Variants in TENM2 observed in about 807,000 individuals in gnomAD.
The protein encoded by TENM2 is teneurin-2.
Under a neutral mutation model 245.2 loss-of-function variants are expected in TENM2, and 52 were observed. The ratio of observed to expected loss-of-function variants is 0.21; its 90% CI spans 0.17 to 0.27. The LOEUF (loss-of-function observed/expected upper bound fraction) is 0.27, where lower values mean the gene tolerates loss of function less well. Among genes scored for constraint, TENM2 ranks in the 10% least tolerant of loss-of-function variants. The pLI is 1.00. For synonymous variants in TENM2, 1,363 were observed against 1,438.9 expected, an observed-to-expected ratio of 0.95 and a Z score of 1.19; for missense variants, 3,046 against 3,666.8, an observed-to-expected ratio of 0.83 and a Z score of 4.37.
At chr5:167,764,659 A>G (rs1288489865) in intron 2 of TENM2, among the ~76,000 whole-genome samples, 1 of 152,104 alleles carries the variant, frequency 6.6e-6, no homozygotes, top group East Asian at 1.9e-4. Context: ...GCACTTGGAG[A>G]CGGTGGGCCG....
chr5:167,223,731 G>A, the TENM2 span, among the ~76,000 whole-genome samples: 1 of 152,052 alleles, frequency 6.6e-6, no homozygotes, highest in Admixed American at 6.6e-5. Context: ...CGATTGTATG[G>A]TAGCTCTATT....
intron 15 of TENM2, among the ~76,000 whole-genome samples, chr5:168,197,572 C>T (rs1340515900): frequency 3.9e-5 from 6 of 151,966 alleles, no homozygotes; most frequent in African/African-American, 4.8e-5. Flanking sequence ...TCGTGGCAGG[C>T]GCCTGTAATT....
At chr5:167,720,175 G>C (rs1759533708) in intron 2 of TENM2, among the ~76,000 whole-genome samples, 1 of 151,868 alleles carries the variant, frequency 6.6e-6, no homozygotes, top group Non-Finnish European at 1.5e-5. Flanking sequence ...ACACGGGACA[G>C]GAAACACTGA....
intron 3 of TENM2, among the ~76,000 whole-genome samples, chr5:167,944,322 C>T (rs759590741): frequency 6.6e-6 from 1 of 152,110 alleles, no homozygotes; most frequent in Non-Finnish European, 1.5e-5. Context: ...ATGCCTGAAC[C>T]GCTAGAACAA....
At chr5:168,256,083 C>T (rs945260832) in intron 27 of TENM2, among the ~76,000 whole-genome samples, 12 of 152,004 alleles carry the variant, frequency 7.9e-5, no homozygotes, top group African/African-American at 1.7e-4. Context: ...GGATTACAGG[C>T]GTGAGCCACC....
intron 2 of TENM2, among the ~76,000 whole-genome samples, chr5:167,583,981 CCTT>C (rs1428705982): frequency 2.0e-5 from 3 of 152,196 alleles, no homozygotes; most frequent in African/African-American, 7.2e-5. Context: ...GACTACTCCT[CCTT>C]AAGTTTAAAT....
chr5:167,577,284 T>C (rs1017151832), intron 2 of TENM2, among the ~76,000 whole-genome samples: 4 of 152,204 alleles, frequency 2.6e-5, no homozygotes, highest in Non-Finnish European at 1.5e-5. Flanking sequence ...ACAAAAGCAC[T>C]TGCAGACAGG....
intron 2 of TENM2, among the ~76,000 whole-genome samples, chr5:167,426,546 CAAAAAAA>C (rs59491444): frequency 5.7e-4 from 58 of 102,254 alleles, no homozygotes; most frequent in East Asian, 3.7e-3. Flanking sequence ...CTTGCCTTTA[CAAAAAAA>C]AAAAAAAAAA....
chr5:167,359,905 A>C (rs1759598976), intron 1 of TENM2, among the ~76,000 whole-genome samples: 1 of 152,220 alleles, frequency 6.6e-6, no homozygotes, highest in African/African-American at 2.4e-5. Flanking sequence ...CATCCTTAGC[A>C]AACTAAGACA....
chr5:167,405,066 A>C (rs1308014058), intron 2 of TENM2, among the ~76,000 whole-genome samples: 2 of 152,118 alleles, frequency 1.3e-5, no homozygotes, highest in African/African-American at 2.4e-5. Context: ...GGAGTCTTTC[A>C]TTTAGCATGA....
chr5:168,182,869 C>T (rs1323896832), intron 13 of TENM2, among the ~76,000 whole-genome samples: 8 of 143,220 alleles, frequency 5.6e-5, no homozygotes, highest in African/African-American at 1.8e-4. Flanking sequence ...CTCACCCTGT[C>T]ACCCAGCCTG....
chr5:167,813,199 TC>T (rs942057051), intron 2 of TENM2, among the ~76,000 whole-genome samples: 1 of 152,032 alleles, frequency 6.6e-6, no homozygotes, highest in African/African-American at 2.4e-5. Flanking sequence ...GATGTGTGCA[TC>T]CCAGTTAGTA....
At chr5:167,254,044 T>C in the TENM2 span, among the ~76,000 whole-genome samples, 1 of 151,948 alleles carries the variant, frequency 6.6e-6, no homozygotes, top group Non-Finnish European at 1.5e-5. Context: ...CACCGAGATA[T>C]TTAATACAAG....
At chr5:167,306,939 T>G (rs887552390) in intron 1 of TENM2, among the ~76,000 whole-genome samples, 1 of 152,214 alleles carries the variant, frequency 6.6e-6, no homozygotes, top group African/African-American at 2.4e-5. Context: ...GAGAGGTTAG[T>G]TACTTGACCA....
intron 2 of TENM2, among the ~76,000 whole-genome samples, chr5:167,521,571 C>T (rs1384739232): frequency 6.6e-6 from 1 of 152,186 alleles, no homozygotes; most frequent in Non-Finnish European, 1.5e-5. Flanking sequence ...TAGCCAAACA[C>T]ATTGCCATGG....
the TENM2 span, among the ~76,000 whole-genome samples, chr5:167,106,018 GT>G: frequency 2.7e-5 from 4 of 146,130 alleles, no homozygotes; most frequent in African/African-American, 7.7e-5. Flanking sequence ...AATCGACAGA[GT>G]TTTTTTTTCA....
At chr5:167,166,857 T>C in the TENM2 span, among the ~76,000 whole-genome samples, 1 of 152,170 alleles carries the variant, frequency 6.6e-6, no homozygotes, top group Non-Finnish European at 1.5e-5. Flanking sequence ...AGTCAGAGAA[T>C]AGATATTTCT....
the TENM2 span, among the ~76,000 whole-genome samples, chr5:167,037,795 C>A: frequency 6.6e-6 from 1 of 152,190 alleles, no homozygotes; most frequent in Non-Finnish European, 1.5e-5. Context: ...AAGAAGGGGC[C>A]TGTCACCTTG....
the TENM2 span, among the ~76,000 whole-genome samples, chr5:166,989,582 G>A: frequency 5.3e-5 from 8 of 151,612 alleles, no homozygotes; most frequent in African/African-American, 1.9e-4. Context: ...TGTAGAGATA[G>A]GGTTTTGCTA....
Sources: gnomAD v4.1 joint callset for allele counts (sites outside exome capture counted in the v4.1 genomes callset) on GRCh38, gnomAD v4.1.1 for gene constraint, MANE v1.5 for transcripts, NCBI Gene and HGNC (gene_info 2026-07-23, HGNC 2026-07-21) for gene names.